Variants in CLNK observed in about 807,000 individuals in gnomAD.
CLNK encodes cytokine dependent hematopoietic cell linker.
In CLNK, 74 loss-of-function variants were observed where a neutral mutation model predicts 68.6. The ratio of observed to expected loss-of-function variants is 1.08; its 90% CI spans 0.89 to 1.31. The LOEUF (loss-of-function observed/expected upper bound fraction) is 1.31. Ranked by LOEUF, CLNK falls within the 50% of genes most tolerant of loss-of-function variation. The probability of loss-of-function intolerance (pLI) is 0.00; values close to 1 mark genes in which losing one functional copy is unlikely to be tolerated. For synonymous variants in CLNK, 198 were observed against 172.2 expected (o/e 1.15, Z -1.17); for missense variants, 553 against 515.3 (o/e 1.07, Z -0.71).
the CLNK span, among the ~76,000 whole-genome samples, chr4:10,706,856 G>A: frequency 1.5e-3 from 234 of 152,264 alleles, no homozygotes; most frequent in African/African-American, 5.3e-3. Context: ...TTGGCCAAAA[G>A]GACCCCCAGA....
At chr4:10,671,440 T>C (rs981564578) in intron 1 of CLNK, among the ~76,000 whole-genome samples, 3 of 151,566 alleles carry the variant, frequency 2.0e-5, no homozygotes, top group Non-Finnish European at 4.4e-5. Flanking sequence ...TACCAGAGAC[T>C]GAGTTAGCCA....
Position 10,512,222 on chromosome 4 carries a change from G to T in CLNK, c.906+1242C>A, listed in dbSNP as rs182878696. Among the ~76,000 whole-genome samples, 3 of 151,712 alleles carry T rather than the reference G, an allele frequency of 2.0e-5. No homozygotes were observed. The East Asian group carries it at 5.8e-4, about 29-fold the overall frequency. Reference sequence around the variant, plus strand: ...GAGTGCATGACAAGGGACAATAAAAGAAGGATATGCATTTTTTTTTTTTTT... The same window carrying T: ...GAGTGCATGACAAGGGACAATAAAATAAGGATATGCATTTTTTTTTTTTTT... On this transcript the variant is annotated intron_variant, in intron 16 of 18. Coordinates refer to ENST00000226951, the MANE Select transcript of CLNK (RefSeq NM_052964.4).
intron 3 of CLNK, among the ~76,000 whole-genome samples, chr4:10,592,593 G>C (rs915738044): frequency 6.6e-6 from 1 of 151,742 alleles, no homozygotes; most frequent in Non-Finnish European, 1.5e-5. Context: ...CAGATCAACA[G>C]CATCCTAGGG....
At chr4:10,591,339 G>T (rs1041844687) in intron 3 of CLNK, among the ~76,000 whole-genome samples, 2 of 152,066 alleles carry the variant, frequency 1.3e-5, no homozygotes, top group African/African-American at 4.8e-5. Flanking sequence ...TCCTTATTTG[G>T]GCATATTCTT....
chr4:10,489,298 T>C lies in CLNK; in HGVS notation c.*1169A>G, dbSNP rs1716465957. On this transcript the variant is annotated 3_prime_UTR_variant, in exon 19 of 19. Coordinates refer to ENST00000226951, the MANE Select transcript of CLNK (RefSeq NM_052964.4). Reference sequence around the variant, plus strand: ...CTCTACAGGGAATAATATCATGGCCTGTGCAACGTTACTGCAAGAATTAGC... The same window carrying C: ...CTCTACAGGGAATAATATCATGGCCCGTGCAACGTTACTGCAAGAATTAGC... The C allele has an allele frequency of 6.6e-6, 1 of 152,234 alleles. No individual in the cohort carries two copies. The highest frequency in any genetic ancestry group is 1.5e-5 in the Non-Finnish European group (1 of 68,042). The allele number at this position is 152,234 out of a possible 1,614,324, so 9.4% of individuals were successfully genotyped here. A position where few individuals can be genotyped will look rare whatever the true frequency, so the allele number is the denominator to read the frequency against.
Position 10,588,104 on chromosome 4 carries a change from A to T in CLNK, c.84-3149T>A, listed in dbSNP as rs1721037431. 3.3e-5 allele frequency among the ~76,000 whole-genome samples: 5 copies of T among 152,328 alleles called. No individual in the cohort carries two copies. The South Asian group carries it at 1.0e-3, about 32-fold the overall frequency. On this transcript the variant is annotated intron_variant, in intron 3 of 18. Coordinates refer to ENST00000226951, the MANE Select transcript of CLNK (RefSeq NM_052964.4). Reference sequence around the variant, plus strand: ...GCAACTCATGACATGGGAAGTGGAAATGATATGTTTTTGTGATTGTGTACA... The same window carrying T: ...GCAACTCATGACATGGGAAGTGGAATTGATATGTTTTTGTGATTGTGTACA...
chr4:10,686,590 A>G (rs11736704), upstream of CLNK, among the ~76,000 whole-genome samples: 75,324 of 149,038 alleles, frequency 0.51, 19,067 homozygotes, highest in South Asian at 0.56. Flanking sequence ...GAGAGGGGAA[A>G]CTCCAGCCTC....
Position 10,489,643 on chromosome 4 carries a change from A to G in CLNK, c.*824T>C, listed in dbSNP as rs1208360261. The stretch of plus-strand genomic sequence containing the variant: ...TGAATTTCTAGGATTACAATAAAAG[A>G]GAGCTAATATTCACCAACCCAACAC... On this transcript the variant is annotated 3_prime_UTR_variant, in exon 19 of 19. Transcript: ENST00000226951. 1 of 147,902 alleles carries G rather than the reference A, an allele frequency of 6.8e-6. No individual in the cohort carries two copies. The highest frequency in any genetic ancestry group is 1.5e-5 in the Non-Finnish European group (1 of 66,762). The allele number at this position is 147,902 out of a possible 1,614,324, so 9.2% of individuals were successfully genotyped here. A position where few individuals can be genotyped will look rare whatever the true frequency, so the allele number is the denominator to read the frequency against.
At chr4:10,516,800 C>T (rs902663390) in intron 15 of CLNK, among the ~76,000 whole-genome samples, 18 of 152,202 alleles carry the variant, frequency 1.2e-4, no homozygotes, top group African/African-American at 4.3e-4. Context: ...ATCCGCCCAC[C>T]TCGGCCTCCC....
intron 14 of CLNK, among the ~76,000 whole-genome samples, chr4:10,525,077 CT>C (rs1718247778): frequency 6.6e-6 from 1 of 152,172 alleles, no homozygotes; most frequent in African/African-American, 2.4e-5. Context: ...GCCTTGGCTT[CT>C]TTTCTTTATA....
Position 10,504,587 on chromosome 4 carries a change from C to G in CLNK, c.985-3176G>C, listed in dbSNP as rs535065944. Among the ~76,000 whole-genome samples, 4 of 152,254 alleles carry G rather than the reference C, an allele frequency of 2.6e-5. No individual in the cohort carries two copies. In the East Asian group the frequency reaches 5.8e-4, roughly 22 times the overall value. On this transcript the variant is annotated intron_variant, in intron 17 of 18. Coordinates refer to ENST00000226951, the MANE Select transcript of CLNK (RefSeq NM_052964.4). ...AATTCTCACCCTTTAAATACACAAGCCTCTGACTATATAAAATAGGATGGC... is the reference window on the plus strand; with the variant it reads ...AATTCTCACCCTTTAAATACACAAGGCTCTGACTATATAAAATAGGATGGC...
the CLNK span, among the ~76,000 whole-genome samples, chr4:10,699,056 T>C: frequency 1.3e-5 from 2 of 152,122 alleles, no homozygotes; most frequent in Admixed American, 6.5e-5. Context: ...TTTCCCAGTT[T>C]TCATACCTTT....
At chr4:10,625,141 C>T (rs1180193099) in intron 2 of CLNK, among the ~76,000 whole-genome samples, 2 of 152,178 alleles carry the variant, frequency 1.3e-5, no homozygotes, top group Non-Finnish European at 2.9e-5. Context: ...ATAGGAAGAT[C>T]TCTTGCCCAT....
chr4:10,623,937 A>G (rs1722558383), intron 2 of CLNK, among the ~76,000 whole-genome samples: 1 of 152,266 alleles, frequency 6.6e-6, no homozygotes, highest in Non-Finnish European at 1.5e-5. Context: ...TAGTGAAGAA[A>G]GGAAGAAAAC....
rs141259496 is a variant in CLNK, at chr4:10,628,484, T to C, written c.12-30435A>G. On this transcript the variant is annotated intron_variant, in intron 2 of 18. Transcript: ENST00000226951. ...TGTTAACTTTGTCAAAGTCAGGGTC[T>C]GTTTCTCCTTTGCTCTCCAGACTAA... 2.9e-3 allele frequency among the ~76,000 whole-genome samples: 439 copies of C among 152,326 alleles called. 3 individuals are homozygous for C. Among genetic ancestry groups the C allele is most frequent in the African/African-American group, 9.7e-3 (405 of 41,580 alleles).
intron 2 of CLNK, among the ~76,000 whole-genome samples, chr4:10,648,068 C>A (rs1723583180): frequency 6.6e-6 from 1 of 152,148 alleles, no homozygotes; most frequent in Admixed American, 6.6e-5. Flanking sequence ...TGGAATCATG[C>A]CTCGTATTTC....
intron 2 of CLNK, among the ~76,000 whole-genome samples, chr4:10,632,395 C>T (rs900178252): frequency 6.6e-6 from 1 of 152,242 alleles, no homozygotes; most frequent in African/African-American, 2.4e-5. Flanking sequence ...AACAGGAATA[C>T]ATCAGGAGAG....
At chr4:10,658,482 T>C (rs987025137) in intron 2 of CLNK, among the ~76,000 whole-genome samples, 1 of 152,206 alleles carries the variant, frequency 6.6e-6, no homozygotes, top group Non-Finnish European at 1.5e-5. Context: ...GGGTTTCCTC[T>C]AGGGGTCTCT....
intron 1 of CLNK, among the ~76,000 whole-genome samples, chr4:10,680,775 A>C (rs1358712480): frequency 6.6e-6 from 1 of 152,138 alleles, no homozygotes. Context: ...GAGTTAAATA[A>C]CTTGTCTAAA....
Sources: gnomAD v4.1 joint callset for allele counts (sites outside exome capture counted in the v4.1 genomes callset) on GRCh38, gnomAD v4.1.1 for gene constraint, MANE v1.5 for transcripts, NCBI Gene and HGNC (gene_info 2026-07-23, HGNC 2026-07-21) for gene names.